THSD4: variants seen among roughly 807,000 people sequenced by gnomAD.
THSD4 encodes the protein thrombospondin type 1 domain containing 4.
In THSD4, 69 loss-of-function variants were observed where a neutral mutation model predicts 119.0. The ratio of observed to expected loss-of-function variants is 0.58; its 90% confidence interval spans 0.48 to 0.71. The LOEUF (loss-of-function observed/expected upper bound fraction) is 0.71. Among genes scored for constraint, THSD4 ranks in the 30% least tolerant of loss-of-function variants. THSD4 has a pLI of 0.00. For synonymous variants in THSD4, 524 were observed against 540.4 expected, an observed-to-expected ratio of 0.97 and a Z score of 0.42; for missense variants, 1,393 against 1,391.1, an observed-to-expected ratio of 1.00 and a Z score of -0.02.
At chr15:71,230,374 T>G (rs2044050408) in intron 4 of THSD4, among the ~76,000 whole-genome samples, 1 of 152,228 alleles carries the variant, frequency 6.6e-6, no homozygotes, top group African/African-American at 2.4e-5. Flanking sequence ...CTCAGTCCCA[T>G]GTTTGGCTAC....
At chr15:71,390,982 AC>A (rs2046369584) in intron 6 of THSD4, among the ~76,000 whole-genome samples, 1 of 144,466 alleles carries the variant, frequency 6.9e-6, no homozygotes, top group East Asian at 2.1e-4. Flanking sequence ...CATCTCAGCC[AC>A]CCGAGTAGCT....
chr15:71,384,378 G>A (rs541047651), intron 6 of THSD4, among the ~76,000 whole-genome samples: 2 of 151,398 alleles, frequency 1.3e-5, no homozygotes, highest in East Asian at 1.9e-4. Flanking sequence ...GCAAGACTCC[G>A]TCTCAAAAAA....
At chr15:71,097,692 T>C (rs946774873) in intron 1 of THSD4, among the ~76,000 whole-genome samples, 81 of 146,298 alleles carry the variant, frequency 5.5e-4, no homozygotes, top group African/African-American at 2.0e-3. Flanking sequence ...TTTGCTTTCA[T>C]AGGTCACAGA....
intron 6 of THSD4, among the ~76,000 whole-genome samples, chr15:71,278,065 G>A (rs748545694): frequency 1.3e-5 from 2 of 152,194 alleles, no homozygotes; most frequent in Non-Finnish European, 2.9e-5. Context: ...TGTGAGGAAA[G>A]CACTGTGTAA....
At chr15:71,308,662 A>G (rs1469700045) in intron 6 of THSD4, among the ~76,000 whole-genome samples, 4 of 152,120 alleles carry the variant, frequency 2.6e-5, no homozygotes, top group Non-Finnish European at 5.9e-5. Context: ...TCCTCTGTTT[A>G]TGGACATGGG....
chr15:71,146,278 C>T (rs1316558331), intron 2 of THSD4, among the ~76,000 whole-genome samples: 1 of 152,168 alleles, frequency 6.6e-6, no homozygotes, highest in Non-Finnish European at 1.5e-5. Flanking sequence ...TTGCACAAAC[C>T]ACACCCATAA....
At chr15:71,515,459 G>A (rs1035342831) in intron 7 of THSD4, among the ~76,000 whole-genome samples, 1 of 152,100 alleles carries the variant, frequency 6.6e-6, no homozygotes, top group Non-Finnish European at 1.5e-5. Flanking sequence ...GGCTGGCCGC[G>A]TCCTTGTCTG....
At chr15:71,495,391 G>C (rs2047998590) in intron 7 of THSD4, among the ~76,000 whole-genome samples, 1 of 152,086 alleles carries the variant, frequency 6.6e-6, no homozygotes, top group South Asian at 2.1e-4. Flanking sequence ...GAAAGGAATG[G>C]ACTTTGAGCA....
chr15:71,783,163 G>A lies in THSD4; in HGVS notation c.*5789G>A, dbSNP rs1333122031. On this transcript the variant is annotated 3_prime_UTR_variant, in exon 18 of 18. Transcript: ENST00000261862. ...TTACATAAGCAGGTGAAAGGTAGAA[G>A]GCGAATTATGTGAGTAAATATGGTC... The A allele has an allele frequency of 1.3e-5, 2 of 152,176 alleles. No homozygotes were observed. Among genetic ancestry groups the A allele is most frequent in the African/African-American group, 4.8e-5 (2 of 41,434 alleles). 9.4% of individuals were successfully genotyped at this position (152,176 alleles called of 1,614,324 possible). A position where few individuals can be genotyped will look rare whatever the true frequency, so the allele number is the denominator to read the frequency against.
At chr15:71,346,563 C>T (rs1566948962) in intron 6 of THSD4, among the ~76,000 whole-genome samples, 1 of 152,164 alleles carries the variant, frequency 6.6e-6, no homozygotes, top group African/African-American at 2.4e-5. Context: ...AGGTATGACA[C>T]GATGTTTCAA....
chr15:71,143,058 G>A (rs546703170), intron 2 of THSD4, among the ~76,000 whole-genome samples: 2 of 152,292 alleles, frequency 1.3e-5, no homozygotes, highest in South Asian at 4.1e-4. Context: ...ATGGGCAGAC[G>A]TGTGCAGGCC....
At chr15:71,531,600 C>T (rs1257786277) in intron 7 of THSD4, among the ~76,000 whole-genome samples, 1 of 152,224 alleles carries the variant, frequency 6.6e-6, no homozygotes. Context: ...GAGCAAGTCA[C>T]TTAACTTTTC....
intron 8 of THSD4, among the ~76,000 whole-genome samples, chr15:71,682,954 C>G (rs865942985): frequency 1.3e-4 from 16 of 127,008 alleles, no homozygotes; most frequent in Admixed American, 1.2e-3. Flanking sequence ...CGAGGTCTCA[C>G]TCTTTGCCCA....
In THSD4 at chr15:71,745,847, G is replaced by A. The variant is rs570811918; in HGVS notation, c.2036+612G>A. On this transcript the variant is annotated intron_variant, in intron 12 of 17. Coordinates refer to ENST00000261862, the MANE Select transcript of THSD4 (RefSeq NM_024817.3). ...TTTTGTAGGGACAGGGTTTTGCCAT[G>A]TTGGCCAGGCTGGTCTTGAACTCCT... 3.3e-5 allele frequency among the ~76,000 whole-genome samples: 5 copies of A among 152,292 alleles called. No individual in the cohort carries two copies. The East Asian group carries it at 9.7e-4, about 29-fold the overall frequency.
At chr15:71,620,429 C>T (rs1365005809) in intron 7 of THSD4, among the ~76,000 whole-genome samples, 1 of 149,802 alleles carries the variant, frequency 6.7e-6, no homozygotes, top group African/African-American at 2.5e-5. Flanking sequence ...TCTGTTTTTA[C>T]AAAAAAAAAT....
intron 6 of THSD4, among the ~76,000 whole-genome samples, chr15:71,374,580 T>C (rs2140440906): frequency 6.6e-6 from 1 of 152,298 alleles, no homozygotes; most frequent in African/African-American, 2.4e-5. Flanking sequence ...AGGCTGCCTC[T>C]ACCTCATCAG....
intron 7 of THSD4, among the ~76,000 whole-genome samples, chr15:71,448,920 G>T (rs1038753175): frequency 6.6e-6 from 1 of 152,162 alleles, no homozygotes; most frequent in Non-Finnish European, 1.5e-5. Context: ...TGAATAGATT[G>T]GTCAAAGGAG....
chr15:71,270,297 C>G (rs1034778316), intron 6 of THSD4, among the ~76,000 whole-genome samples: 1 of 152,204 alleles, frequency 6.6e-6, no homozygotes, highest in Non-Finnish European at 1.5e-5. Context: ...AATAATGCCA[C>G]ACTTCCACAA....
chr15:71,132,936 T>C (rs1408150785), intron 1 of THSD4, among the ~76,000 whole-genome samples: 1 of 152,214 alleles, frequency 6.6e-6, no homozygotes, highest in Non-Finnish European at 1.5e-5. Context: ...AGCTGCCTTT[T>C]CCTCCCCTGG....
Sources: gnomAD v4.1 joint callset for allele counts (sites outside exome capture counted in the v4.1 genomes callset) on GRCh38, gnomAD v4.1.1 for gene constraint, MANE v1.5 for transcripts, NCBI Gene and HGNC (gene_info 2026-07-23, HGNC 2026-07-21) for gene names.